The following PGR variants were observed in gnomAD, a reference collection of about 807,000 sequenced individuals.
PGR encodes nuclear receptor subfamily 3 group C member 3.
PGR carries 25 observed loss-of-function variants against 76.1 expected under a neutral mutation model. The ratio of observed to expected loss-of-function variants is 0.33; its 90% confidence interval spans 0.24 to 0.46. The LOEUF (loss-of-function observed/expected upper bound fraction) is 0.46, where lower values mean the gene tolerates loss of function less well. PGR is among the 20% of genes least tolerant of loss of function. PGR has a pLI of 1.00. For synonymous variants in PGR, 579 were observed against 535.0 expected (o/e 1.08, Z -1.14); for missense variants, 1,172 against 1,225.3 (o/e 0.96, Z 0.65).
chr11:101,070,321 G>A (rs934016058), intron 3 of PGR, among the ~76,000 whole-genome samples: 4 of 152,164 alleles, frequency 2.6e-5, no homozygotes, highest in African/African-American at 9.7e-5. Flanking sequence ...CATGGTCTTT[G>A]CAACCCACAG....
intron 2 of PGR, among the ~76,000 whole-genome samples, chr11:101,098,928 T>A (rs1241550018): frequency 1.3e-5 from 2 of 152,070 alleles, no homozygotes; most frequent in African/African-American, 4.8e-5. Context: ...AAAAACAACA[T>A]AAACAAAATA....
chr11:101,096,035 C>A (rs1463374047), intron 2 of PGR, among the ~76,000 whole-genome samples: 2 of 151,678 alleles, frequency 1.3e-5, no homozygotes, highest in Non-Finnish European at 2.9e-5. Flanking sequence ...ATGATAAGTA[C>A]CAAATAAATT....
At chr11:101,077,380 A>C (rs1861163195) in intron 3 of PGR, among the ~76,000 whole-genome samples, 1 of 152,204 alleles carries the variant, frequency 6.6e-6, no homozygotes, top group South Asian at 2.1e-4. Flanking sequence ...ATCAAAACAC[A>C]GTGTGCCTTT....
rs923240100 is a variant in PGR, at chr11:101,129,589, G to T, written c.-519C>A. The T allele has an allele frequency of 2.2e-5, 4 of 185,482 alleles. No individual in the cohort carries two copies. The highest frequency in any genetic ancestry group is 4.6e-5 in the Non-Finnish European group (4 of 87,876). 11.5% of individuals were successfully genotyped at this position (185,482 alleles called of 1,614,324 possible). On this transcript the variant is annotated 5_prime_UTR_variant, in exon 1 of 8. Transcript: ENST00000325455. ...CTCACTAAAACCCTGGGGCTAGTCG[G>T]ACCTCTCGGTACAGCCCATTCCCAG...
At chr11:101,050,985 A>G (rs770835050) in intron 5 of PGR, 9 of 229,772 alleles carry the variant, frequency 3.9e-5, no homozygotes, top group Non-Finnish European at 8.7e-6. Flanking sequence ...GGTTGTAGGT[A>G]GAAAATTAAT....
rs1402782880 is a variant in PGR, at chr11:101,129,096, C to G, written c.-26G>C. 2.9e-6 allele frequency: 4 copies of G among 1,381,224 alleles called. No homozygotes were observed. Among genetic ancestry groups the G allele is most frequent in the Non-Finnish European group, 3.7e-6 (4 of 1,070,156 alleles). The allele number at this position is 1,381,224 out of a possible 1,614,324, so 85.6% of individuals were successfully genotyped here. A position where few individuals can be genotyped will look rare whatever the true frequency, so the allele number is the denominator to read the frequency against. On this transcript the variant is annotated 5_prime_UTR_variant, in exon 1 of 8. Coordinates refer to ENST00000325455, the MANE Select transcript of PGR (RefSeq NM_000926.4). ...GACGACTGGACTCCCCTTTTCTCCTCCCCCGTCTCCAGGAGGAGGGAAAAG... is the reference window on the plus strand; with the variant it reads ...GACGACTGGACTCCCCTTTTCTCCTGCCCCGTCTCCAGGAGGAGGGAAAAG...
At chr11:101,108,266 A>T in intron 2 of PGR, among the ~76,000 whole-genome samples, 1 of 150,546 alleles carries the variant, frequency 6.6e-6, no homozygotes, top group East Asian at 2.0e-4. Flanking sequence ...AAAAAAAAAA[A>T]ATGAGCCTAG....
chr11:101,064,371 A>C (rs1168043764), intron 3 of PGR, among the ~76,000 whole-genome samples: 3 of 121,106 alleles, frequency 2.5e-5, no homozygotes, highest in African/African-American at 3.0e-5. Flanking sequence ...AAAAAAAAAA[A>C]CAGCCCCAAC....
intron 3 of PGR, among the ~76,000 whole-genome samples, chr11:101,083,334 G>A (rs1861373752): frequency 6.6e-6 from 1 of 152,252 alleles, no homozygotes; most frequent in Admixed American, 6.5e-5. Flanking sequence ...ACCTCATGGA[G>A]AACCTCTACT....
rs1859547756 is a variant in PGR, at chr11:101,037,427, A to C, written c.*1689T>G. 1 of 219,812 alleles carries C rather than the reference A, an allele frequency of 4.5e-6. No individual in the cohort carries two copies. The highest frequency in any genetic ancestry group is 6.7e-5 in the East Asian group (1 of 14,822). The allele number at this position is 219,812 out of a possible 1,614,324, so 13.6% of individuals were successfully genotyped here. A position where few individuals can be genotyped will look rare whatever the true frequency, so the allele number is the denominator to read the frequency against. Reference sequence around the variant, plus strand: ...TGTGCTAATACCAGGTATTCAATCAATATTTGTTGAATGAAATTAGAAATG... The same window carrying C: ...TGTGCTAATACCAGGTATTCAATCACTATTTGTTGAATGAAATTAGAAATG... On this transcript the variant is annotated 3_prime_UTR_variant, in exon 8 of 8. Transcript: ENST00000325455.
chr11:101,101,037 C>T lies in PGR; in HGVS notation c.1790-9161G>A, dbSNP rs143651804. On this transcript the variant is annotated intron_variant, in intron 2 of 7. Transcript: ENST00000325455. ...CATGTAATATAATTTTCATCTAAAA[C>T]GAACCAGAGCTCCTTGGGGAAATGA... Among the ~76,000 whole-genome samples, 1,356 of 152,210 alleles carry T rather than the reference C, an allele frequency of 8.9e-3. 4 individuals are homozygous for T. Among genetic ancestry groups the T allele is most frequent in the African/African-American group, 0.015 (625 of 41,528 alleles).
intron 2 of PGR, among the ~76,000 whole-genome samples, chr11:101,108,896 G>C (rs984351374): frequency 2.0e-5 from 3 of 152,114 alleles, no homozygotes; most frequent in African/African-American, 7.2e-5. Flanking sequence ...AAGACTATGG[G>C]CATCATTTTT....
rs575848328 is a variant in PGR, at chr11:101,088,034, A to T, written c.1906+3726T>A. ...AGTGAGACCTTATCGTTACAAAAAA[A>T]AAATAAATAAAAAGTTTGCCAGGTG... On this transcript the variant is annotated intron_variant, in intron 3 of 7. Transcript: ENST00000325455. Among the ~76,000 whole-genome samples the T allele has an allele frequency of 1.2e-3, 190 of 152,072 alleles. 1 individual carries two copies. Among genetic ancestry groups the T allele is most frequent in the Admixed American group, 5.8e-3 (88 of 15,260 alleles).
In PGR at chr11:101,034,832, A is replaced by C. The variant is rs1237106853; in HGVS notation, c.*4284T>G. On this transcript the variant is annotated 3_prime_UTR_variant, in exon 8 of 8. Transcript: ENST00000325455. ...CAGTTGTTTTACTGCTTTTTGTTCA[A>C]TTTTGTATTTAGTAAGGACCATAGA... The C allele has an allele frequency of 5.6e-6, 1 of 179,326 alleles. No individual in the cohort carries two copies. Among genetic ancestry groups the C allele is most frequent in the Non-Finnish European group, 1.2e-5 (1 of 83,774 alleles). 11.1% of individuals were successfully genotyped at this position (179,326 alleles called of 1,614,324 possible). A position where few individuals can be genotyped will look rare whatever the true frequency, so the allele number is the denominator to read the frequency against.
At chr11:101,096,616 A>G (rs1861841990) in intron 2 of PGR, among the ~76,000 whole-genome samples, 1 of 152,224 alleles carries the variant, frequency 6.6e-6, no homozygotes, top group African/African-American at 2.4e-5. Flanking sequence ...AAGGTCAGGC[A>G]CAAGTGCATT....
rs1452692847 is a variant in PGR at position 101,127,447 on chromosome 11, G to A, written c.1624C>T (p.Leu542Phe). 1 of 1,557,116 alleles carries A rather than the reference G, an allele frequency of 6.4e-7. No individual in the cohort carries two copies. Among genetic ancestry groups the A allele is most frequent in the East Asian group, 2.5e-5 (1 of 39,832 alleles). Residue 542 changes from leucine to phenylalanine, a missense_variant, in exon 1 of 8, where the codon CTC becomes TTC. Leu to Phe is a conservative substitution (Grantham distance 22). Coordinates refer to ENST00000325455, the MANE Select transcript of PGR (RefSeq NM_000926.4). ...EGLPQVYPPY[L>F]NYLRPDSEAS... ...CCGGGCCCTCACCTCAGGTAGTTGAGATAGGGCGGGTAGACCTGCGGCAGG... is the reference window on the plus strand; with the variant it reads ...CCGGGCCCTCACCTCAGGTAGTTGAAATAGGGCGGGTAGACCTGCGGCAGG...
In PGR at chr11:101,051,460, T is replaced by C; in HGVS notation, c.2321A>G (p.Gln774Arg). Residue 774 changes from glutamine (Q) to arginine (R), a missense_variant, in exon 5 of 8, where the codon CAG (glutamine) becomes CGG (arginine). Physicochemically the swap from Gln to Arg is conservative, Grantham distance 43. This residue lies in a region of PGR where 166 missense variants were observed against 296.0 expected (regional missense o/e 0.56). Coordinates refer to ENST00000325455, the MANE Select transcript of PGR (RefSeq NM_000926.4). ...GWRSYKHVSGQMLYFAPDLIL... is the reference protein window; with the variant it reads ...GWRSYKHVSGRMLYFAPDLIL... ...TAGATCAGGTGCAAAATACAGCATCTGCCCACTGACGTGTTTGTAGGATCT... is the reference window on the plus strand; with the variant it reads ...TAGATCAGGTGCAAAATACAGCATCCGCCCACTGACGTGTTTGTAGGATCT... 1.9e-6 allele frequency: 3 copies of C among 1,610,536 alleles called. No individual in the cohort carries two copies. The highest frequency in any genetic ancestry group is 2.5e-6 in the Non-Finnish European group (3 of 1,177,026).
chr11:101,122,955 C>T (rs1025147221), intron 2 of PGR, among the ~76,000 whole-genome samples: 1 of 152,178 alleles, frequency 6.6e-6, no homozygotes, highest in Non-Finnish European at 1.5e-5. Flanking sequence ...CTTTTACCTT[C>T]CTAGATGTTT....
chr11:101,058,401 G>T (rs1860368232), intron 4 of PGR, among the ~76,000 whole-genome samples: 1 of 152,040 alleles, frequency 6.6e-6, no homozygotes, highest in Non-Finnish European at 1.5e-5. Context: ...GGAAGGAAGA[G>T]AAAAAATCCT....
Sources: gnomAD v4.1 joint callset for allele counts (sites outside exome capture counted in the v4.1 genomes callset) on GRCh38, gnomAD v4.1.1 for gene constraint, gnomAD v4.1.1 regional missense constraint, MANE v1.5 for transcripts, NCBI Gene and HGNC (gene_info 2026-07-23, HGNC 2026-07-21) for gene names.